Variants in CYP4F22 observed in about 807,000 individuals in gnomAD.
CYP4F22 encodes cytochrome P450 family 4 subfamily F member 22, also known as ultra-long-chain fatty acid omega-hydroxylase.
Under a neutral mutation model 60.4 loss-of-function variants are expected in CYP4F22, and 37 were observed. The observed-to-expected ratio is 0.61, with a 90% CI of 0.47 to 0.81. CYP4F22 has a LOEUF of 0.81. Ranked by LOEUF, CYP4F22 falls within the 30% of genes least tolerant of loss-of-function variation. The pLI, the probability that CYP4F22 is intolerant of heterozygous loss-of-function variation, is 0.00. For missense variants in CYP4F22, 655 were observed against 715.0 expected (o/e 0.92, Z 0.96); for synonymous variants, 258 against 280.5 (o/e 0.92, Z 0.80).
rs532262743 is a variant in CYP4F22 at position 15,515,429 on chromosome 19, T to A, written c.-109+6846T>A. On this transcript the variant is annotated intron_variant, in intron 1 of 13. Transcript: ENST00000269703. ...TCCAACTCAGACAGCAACTTTAAGG[T>A]GTTCAGTGCAGCTGGCCAGGCACGG... 15 of 1,144,394 alleles carry A rather than the reference T, an allele frequency of 1.3e-5. No homozygotes were observed. The African/African-American group carries it at 1.9e-4, about 14-fold the overall frequency. The allele number at this position is 1,144,394 out of a possible 1,614,324, so 70.9% of individuals were successfully genotyped here.
In CYP4F22 at chr19:15,537,540, G is replaced by T; in HGVS notation, c.427G>T (p.Gly143Trp). The T allele has an allele frequency of 6.2e-7, 1 of 1,614,160 alleles. No individual in the cohort carries two copies. ...YGFLKPWLGDGLLLSKGDKWS... is the reference protein window; with the variant it reads ...YGFLKPWLGDWLLLSKGDKWS... Reference sequence around the variant, plus strand: ...CCTCAGTCTTCTGGGCCCAGGGGATGGGCTGCTGCTCAGCAAAGGTGACAA... The same window carrying T: ...CCTCAGTCTTCTGGGCCCAGGGGATTGGCTGCTGCTCAGCAAAGGTGACAA... Residue 143 changes from glycine (G) to tryptophan (W), a missense_variant, in exon 6 of 14, where the codon GGG (glycine) becomes TGG (tryptophan). Physicochemically the swap from Gly to Trp is radical, Grantham distance 184 (BLOSUM62 -2). This residue lies in a region of CYP4F22 where 430 missense variants were observed against 457.1 expected (regional missense o/e 0.94). Transcript: ENST00000269703.
chr19:15,522,986 C>T (rs550588847), intron 1 of CYP4F22, among the ~76,000 whole-genome samples: 1 of 151,210 alleles, frequency 6.6e-6, no homozygotes, highest in South Asian at 2.1e-4. Flanking sequence ...GTTGGGATTA[C>T]AGGTGTGAGC....
At chr19:15,524,999 C>T (rs571500622) in intron 2 of CYP4F22, among the ~76,000 whole-genome samples, 1 of 152,194 alleles carries the variant, frequency 6.6e-6, no homozygotes, top group South Asian at 2.1e-4. Context: ...GGTATTTATC[C>T]ACCAATGAGC....
At chr19:15,520,212 G>C (rs777778894) in intron 1 of CYP4F22, among the ~76,000 whole-genome samples, 1 of 151,802 alleles carries the variant, frequency 6.6e-6, no homozygotes, top group Non-Finnish European at 1.5e-5. Context: ...TGGGCGTGGT[G>C]GTGGGCGCCT....
intron 10 of CYP4F22, among the ~76,000 whole-genome samples, chr19:15,545,732 C>T (rs980166774): frequency 6.7e-6 from 1 of 149,126 alleles, no homozygotes; most frequent in African/African-American, 2.5e-5. Flanking sequence ...CATCAACTCA[C>T]ACAGTGAGGA....
rs572278771 is a variant in CYP4F22, at chr19:15,540,490, G to T, written c.712G>T (p.Ala238Ser). 6.2e-7 allele frequency: 1 copy of T among 1,614,118 alleles called. No individual in the cohort carries two copies. The highest frequency in any genetic ancestry group is 8.5e-7 in the Non-Finnish European group (1 of 1,180,024). ...DYISAIIELS[A>S]LSVRRQYRLH... ...TATCTCCGCTATCATTGAACTGAGCGCTCTGTCTGTCCGGCGCCAGTATCG... is the reference window on the plus strand; with the variant it reads ...TATCTCCGCTATCATTGAACTGAGCTCTCTGTCTGTCCGGCGCCAGTATCG... Residue 238 changes from alanine to serine, a missense_variant, in exon 8 of 14, where the codon GCT becomes TCT. Coordinates refer to ENST00000269703, the MANE Select transcript of CYP4F22 (RefSeq NM_173483.4).
intron 3 of CYP4F22, among the ~76,000 whole-genome samples, chr19:15,527,985 G>A (rs891050511): frequency 1.3e-5 from 2 of 152,186 alleles, no homozygotes; most frequent in African/African-American, 4.8e-5. Flanking sequence ...TCATACAGCA[G>A]GTGAGGAAGT....
At chr19:15,538,136 A>G (rs767057497) in intron 7 of CYP4F22, 143 bp downstream of exon 7, 7 of 1,153,636 alleles carry the variant, frequency 6.1e-6, no homozygotes, top group African/African-American at 1.5e-5. Context: ...CGGGAAACTG[A>G]CCATCTCTCT....
At chr19:15,538,967 T>C (rs1971429316) in intron 7 of CYP4F22, among the ~76,000 whole-genome samples, 1 of 152,198 alleles carries the variant, frequency 6.6e-6, no homozygotes, top group African/African-American at 2.4e-5. Flanking sequence ...ACAAGCCCAC[T>C]TCAGGACTGA....
chr19:15,519,263 AT>A lies in CYP4F22; in HGVS notation c.-108-4413del, dbSNP rs773782070. Reference sequence around the variant, plus strand: ...GGGCTCAAAGCAGACTGAGAATGGGATTTTTTTTTTTTTTTTTGAGACAGAG... The same window carrying A: ...GGGCTCAAAGCAGACTGAGAATGGGATTTTTTTTTTTTTTTTGAGACAGAG... On this transcript the variant is annotated intron_variant, in intron 1 of 13. Coordinates refer to ENST00000269703, the MANE Select transcript of CYP4F22 (RefSeq NM_173483.4). Among the ~76,000 whole-genome samples the A allele has an allele frequency of 6.5e-3, 902 of 139,042 alleles. 11 individuals are homozygous for A. Among genetic ancestry groups the A allele is most frequent in the Non-Finnish European group, 7.6e-3 (479 of 63,438 alleles). The allele number at this position is 139,042 out of a possible 152,430, so 91.2% of individuals were successfully genotyped here.
Position 15,537,856 on chromosome 19 carries a change from T to C in CYP4F22, c.550-16T>C, listed in dbSNP as rs758728427. On this transcript the variant is annotated splice_polypyrimidine_tract_variant and intron_variant, in intron 6 of 13. Transcript: ENST00000269703. ...CTGTGGTTTCCATGCACAGTCACCATGTATCTCTCTTCCAGGCTAAATGGC... is the reference window on the plus strand; with the variant it reads ...CTGTGGTTTCCATGCACAGTCACCACGTATCTCTCTTCCAGGCTAAATGGC... 6.2e-7 allele frequency: 1 copy of C among 1,613,340 alleles called. No homozygotes were observed. The highest frequency in any genetic ancestry group is 2.2e-5 in the East Asian group (1 of 44,890).
At chr19:15,519,194 G>A (rs1424397372) in intron 1 of CYP4F22, among the ~76,000 whole-genome samples, 1 of 152,048 alleles carries the variant, frequency 6.6e-6, no homozygotes, top group Non-Finnish European at 1.5e-5. Flanking sequence ...GGGACAACGT[G>A]GCTCTTAGAA....
chr19:15,551,694 C>T lies in CYP4F22; in HGVS notation c.*223C>T. On this transcript the variant is annotated 3_prime_UTR_variant, in exon 14 of 14. Transcript: ENST00000269703. ...TGATCCCGCCCCTTGAGGCTTAGGT[C>T]CCGCCCCCTGACTTCTCGCACCTGT... 1 of 621,278 alleles carries T rather than the reference C, an allele frequency of 1.6e-6. No homozygotes were observed. The highest frequency in any genetic ancestry group is 2.8e-6 in the Non-Finnish European group (1 of 357,964). The allele number at this position is 621,278 out of a possible 1,614,324, so 38.5% of individuals were successfully genotyped here. A position where few individuals can be genotyped will look rare whatever the true frequency, so the allele number is the denominator to read the frequency against.
chr19:15,521,726 A>G (rs1971228018), intron 1 of CYP4F22, among the ~76,000 whole-genome samples: 1 of 152,216 alleles, frequency 6.6e-6, no homozygotes, highest in Admixed American at 6.5e-5. Context: ...GCTGGGGTGC[A>G]GTCGCACGAT....
In CYP4F22 at chr19:15,551,459, T is replaced by G. The variant is rs1187576162; in HGVS notation, c.1584T>G (p.Pro528=). ...NGLWLKVEPL[P]PRA is the part of the protein sequence containing the mutation. ...TCTGGCTCAAGGTGGAGCCGCTGCC[T>G]CCGCGGGCCTGAGCGTGGGCGCGCC... is the stretch of plus-strand genomic sequence containing the variant. The change falls in exon 14 of 14, where the codon CCT becomes CCG. Residue 528 remains proline, a synonymous_variant. Transcript: ENST00000269703. The G allele has an allele frequency of 1.9e-6, 3 of 1,561,944 alleles. No homozygotes were observed. In the Admixed American group the frequency reaches 5.7e-5, roughly 30 times the overall value.
At chr19:15,541,626 A>C (rs1009566603) in intron 8 of CYP4F22, among the ~76,000 whole-genome samples, 1 of 152,098 alleles carries the variant, frequency 6.6e-6, no homozygotes, top group African/African-American at 2.4e-5. Context: ...CATACCTGTA[A>C]TCCCAGCACT....
intron 7 of CYP4F22, among the ~76,000 whole-genome samples, chr19:15,539,909 C>T (rs1009068687): frequency 2.6e-5 from 4 of 152,178 alleles, no homozygotes; most frequent in Non-Finnish European, 4.4e-5. Flanking sequence ...TATCTTTTCA[C>T]ATTCTCATTG....
At chr19:15,528,625 A>G (rs1325638325) in intron 3 of CYP4F22, among the ~76,000 whole-genome samples, 1 of 152,162 alleles carries the variant, frequency 6.6e-6, no homozygotes, top group African/African-American at 2.4e-5. Flanking sequence ...CAAATAAACT[A>G]CCTGCCCTAG....
At chr19:15,545,585 G>C (rs1195822395) in intron 10 of CYP4F22, among the ~76,000 whole-genome samples, 1 of 146,420 alleles carries the variant, frequency 6.8e-6, no homozygotes, top group Non-Finnish European at 1.5e-5. Flanking sequence ...GGAGGTGGAG[G>C]CTGTGGTGAG....
Sources: allele counts gnomAD v4.1 joint callset (sites outside exome capture counted in the v4.1 genomes callset), GRCh38; gene constraint gnomAD v4.1.1; regional missense constraint gnomAD v4.1.1; transcripts MANE v1.5; gene names NCBI Gene and HGNC (gene_info 2026-07-23, HGNC 2026-07-21).